Variants in NRXN1 observed in about 807,000 individuals in gnomAD.
NRXN1 encodes neurexin 1.
A neutral mutation model predicts 150.9 loss-of-function variants in NRXN1; 39 were observed. The observed-to-expected ratio is 0.26, with a 90% CI of 0.20 to 0.34. NRXN1 has a LOEUF of 0.34. NRXN1 is among the 10% of genes least tolerant of loss of function. The pLI is 1.00. For missense variants in NRXN1, 1,815 were observed against 1,949.9 expected, an observed-to-expected ratio of 0.93 and a Z score of 1.30; for synonymous variants, 924 against 757.0, an observed-to-expected ratio of 1.22 and a Z score of -3.62.
chr2:50,169,548 A>G (rs1328432385), intron 18 of NRXN1, among the ~76,000 whole-genome samples: 1 of 151,970 alleles, frequency 6.6e-6, no homozygotes, highest in East Asian at 1.9e-4. Flanking sequence ...CCCCATCTCT[A>G]CTAAAAATAC....
At chr2:50,352,784 TAATA>T (rs2153002583) in intron 17 of NRXN1, among the ~76,000 whole-genome samples, 1 of 146,220 alleles carries the variant, frequency 6.8e-6, no homozygotes, top group African/African-American at 2.5e-5. Flanking sequence ...AATATTATAA[TAATA>T]ATAATAATAA....
chr2:50,313,811 A>T (rs1487061384), intron 17 of NRXN1, among the ~76,000 whole-genome samples: 2 of 152,108 alleles, frequency 1.3e-5, no homozygotes, highest in African/African-American at 4.8e-5. Context: ...AGGACACTGG[A>T]GACAAATGTC....
intron 21 of NRXN1, among the ~76,000 whole-genome samples, chr2:50,000,552 A>T (rs13403183): frequency 0.013 from 1,988 of 152,270 alleles, 44 homozygotes; most frequent in African/African-American, 0.043. Flanking sequence ...CTTAGAAGGA[A>T]AAAGTGAGGC....
At chr2:50,213,930 T>C (rs1284174492) in intron 18 of NRXN1, among the ~76,000 whole-genome samples, 1 of 151,948 alleles carries the variant, frequency 6.6e-6, no homozygotes, top group African/African-American at 2.4e-5. Flanking sequence ...TATTAATGCA[T>C]CCTAAAATTG....
intron 21 of NRXN1, among the ~76,000 whole-genome samples, chr2:49,957,124 T>C (rs979182182): frequency 2.0e-5 from 3 of 152,150 alleles, no homozygotes; most frequent in Admixed American, 1.3e-4. Context: ...CTACTGAGCA[T>C]GGAAGGAGCA....
chr2:50,208,118 T>C (rs572933631), intron 18 of NRXN1, among the ~76,000 whole-genome samples: 6 of 152,230 alleles, frequency 3.9e-5, no homozygotes, highest in African/African-American at 1.4e-4. Context: ...GTCCAAATGA[T>C]GGTGTTCTGA....
chr2:50,280,988 T>C (rs536600222), intron 17 of NRXN1, among the ~76,000 whole-genome samples: 1 of 152,162 alleles, frequency 6.6e-6, no homozygotes, highest in Non-Finnish European at 1.5e-5. Context: ...AGGAAAACTG[T>C]ATTTTTATTA....
At chr2:50,530,943 G>T (rs2093085229) in intron 11 of NRXN1, among the ~76,000 whole-genome samples, 1 of 152,176 alleles carries the variant, frequency 6.6e-6, no homozygotes, top group African/African-American at 2.4e-5. Flanking sequence ...GCAACCTCAG[G>T]CTTAATAATT....
intron 8 of NRXN1, among the ~76,000 whole-genome samples, chr2:50,614,064 G>A (rs551838232): frequency 1.2e-4 from 18 of 152,222 alleles, no homozygotes; most frequent in South Asian, 6.2e-4. Flanking sequence ...CTGTCTTCCC[G>A]AAAGAGTGAG....
intron 12 of NRXN1, among the ~76,000 whole-genome samples, chr2:50,515,579 A>G (rs2092603738): frequency 6.7e-6 from 1 of 150,026 alleles, no homozygotes; most frequent in Non-Finnish European, 1.5e-5. Flanking sequence ...TTTAGAATAG[A>G]AACATTCATT....
intron 5 of NRXN1, among the ~76,000 whole-genome samples, chr2:50,715,065 A>G (rs529230380): frequency 1.3e-5 from 2 of 152,276 alleles, no homozygotes; most frequent in South Asian, 4.1e-4. Flanking sequence ...AGAATCATGA[A>G]TAAGCCATTA....
At chr2:50,455,406 T>C (rs537938118) in intron 17 of NRXN1, among the ~76,000 whole-genome samples, 1 of 152,308 alleles carries the variant, frequency 6.6e-6, no homozygotes, top group East Asian at 1.9e-4. Context: ...CAGCCTCTCA[T>C]ACTGCACTCT....
At chr2:50,172,388 C>G (rs1356168250) in intron 18 of NRXN1, among the ~76,000 whole-genome samples, 1 of 152,082 alleles carries the variant, frequency 6.6e-6, no homozygotes, top group Non-Finnish European at 1.5e-5. Context: ...TTGAAGGACT[C>G]TCTAGCTTGA....
At chr2:50,060,148 C>T (rs1047713242) in intron 19 of NRXN1, among the ~76,000 whole-genome samples, 3 of 152,166 alleles carry the variant, frequency 2.0e-5, no homozygotes, top group Admixed American at 1.3e-4. Context: ...AGGGAAGCGG[C>T]TGTACCCTGC....
intron 19 of NRXN1, among the ~76,000 whole-genome samples, chr2:50,062,327 TC>T (rs1694668739): frequency 6.6e-6 from 1 of 152,048 alleles, no homozygotes; most frequent in African/African-American, 2.4e-5. Context: ...AAAACTCCCT[TC>T]CCTCCTTCTG....
chr2:50,968,054 TA>T (rs1364653440), intron 2 of NRXN1, among the ~76,000 whole-genome samples: 1 of 151,972 alleles, frequency 6.6e-6, no homozygotes, highest in African/African-American at 2.4e-5. Flanking sequence ...AATTTATGAT[TA>T]AAATAAAATA....
At chr2:50,802,095 A>C (rs1270734864) in intron 5 of NRXN1, among the ~76,000 whole-genome samples, 1 of 152,178 alleles carries the variant, frequency 6.6e-6, no homozygotes, top group Non-Finnish European at 1.5e-5. Flanking sequence ...AAAGAATTAC[A>C]AGGCCTTCTA....
Position 50,829,812 on chromosome 2 carries a change from T to C in NRXN1, c.832+92057A>G, listed in dbSNP as rs149027533. The C allele has an allele frequency of 9.4e-4, 1,332 of 1,410,644 alleles. 9 individuals are homozygous for C. In the African/African-American group the frequency reaches 0.017, roughly 18 times the overall value. The allele number at this position is 1,410,644 out of a possible 1,614,324, so 87.4% of individuals were successfully genotyped here. A position where few individuals can be genotyped will look rare whatever the true frequency, so the allele number is the denominator to read the frequency against. On this transcript the variant is annotated intron_variant, in intron 5 of 22. Coordinates refer to ENST00000401669, the MANE Select transcript of NRXN1 (RefSeq NM_001330078.2). ...ATTTATGAAGTAACTTAACTTTTGG[T>C]AACATAATATATAACTTCTCTTTCA...
intron 5 of NRXN1, among the ~76,000 whole-genome samples, chr2:50,845,789 T>C (rs952199992): frequency 2.6e-5 from 4 of 152,134 alleles, no homozygotes; most frequent in Admixed American, 1.3e-4. Flanking sequence ...CACAGATATG[T>C]CTGATATAAA....
Sources: gnomAD v4.1 joint callset for allele counts (sites outside exome capture counted in the v4.1 genomes callset) on GRCh38, gnomAD v4.1.1 for gene constraint, MANE v1.5 for transcripts, NCBI Gene and HGNC (gene_info 2026-07-23, HGNC 2026-07-21) for gene names.